ZNF536: variants seen among roughly 807,000 people sequenced by gnomAD.
ZNF536 encodes the protein zinc finger protein 536.
In ZNF536, 13 loss-of-function variants were observed where a neutral mutation model predicts 84.5. The observed-to-expected ratio is 0.15, with a 90% CI of 0.10 to 0.24. The LOEUF is 0.24. Ranked by LOEUF, ZNF536 falls within the 10% of genes least tolerant of loss-of-function variation. The pLI is 1.00. For missense variants in ZNF536, 1,536 were observed against 1,747.5 expected (o/e 0.88, Z 2.16); for synonymous variants, 811 against 742.5 (o/e 1.09, Z -1.50).
chr19:30,427,256 A>G (rs115286478), intron 1 of ZNF536, among the ~76,000 whole-genome samples: 1 of 152,224 alleles, frequency 6.6e-6, no homozygotes, highest in Non-Finnish European at 1.5e-5. Context: ...GTGCAAGGAC[A>G]GAAGGTGTGG....
At chr19:30,552,906 G>A (rs1358671282) in intron 4 of ZNF536, among the ~76,000 whole-genome samples, 2 of 152,182 alleles carry the variant, frequency 1.3e-5, no homozygotes, top group African/African-American at 4.8e-5. Flanking sequence ...AAGAGGTTAA[G>A]CCATCTTGGA....
At position 30,430,570 on chromosome 19, in the gene ZNF536, G is replaced by T. The variant is rs887398079; in HGVS notation, c.-2-12991G>T. Among the ~76,000 whole-genome samples the T allele has an allele frequency of 5.9e-5, 9 of 152,286 alleles. No individual in the cohort carries two copies. The South Asian group carries it at 1.9e-3, about 32-fold the overall frequency. On this transcript the variant is annotated intron_variant, in intron 1 of 4. Transcript: ENST00000355537. ...TCAGGGAGGGCTTCCTGGAAGAAGT[G>T]GTATTTAATTTCTCCCAAGATTACT...
At chr19:30,481,677 C>T (rs73536715) in intron 2 of ZNF536, among the ~76,000 whole-genome samples, 32,847 of 151,956 alleles carry the variant, frequency 0.22, 3,957 homozygotes, top group African/African-American at 0.32. Context: ...GATTTATTTT[C>T]ATTTTTTATT....
At chr19:30,541,387 G>GAGTA (rs1352800324) in intron 3 of ZNF536, among the ~76,000 whole-genome samples, 1 of 146,084 alleles carries the variant, frequency 6.8e-6, no homozygotes, top group African/African-American at 2.6e-5. Context: ...CCAACCACCT[G>GAGTA]AGTAATGATG....
In ZNF536 at chr19:30,445,983, C is replaced by T. The variant is rs552779921; in HGVS notation, c.2170+251C>T. 1.3e-5 allele frequency among the ~76,000 whole-genome samples: 2 copies of T among 152,200 alleles called. No homozygotes were observed. The highest frequency in any genetic ancestry group is 4.8e-5 in the African/African-American group (2 of 41,542). ...TAAGTTGAGGCCGGGTGTGGTGGCTCACGCCTGTAATCCCAGCACTTTGGG... is the reference window on the plus strand; with the variant it reads ...TAAGTTGAGGCCGGGTGTGGTGGCTTACGCCTGTAATCCCAGCACTTTGGG... On this transcript the variant is annotated intron_variant, in intron 2 of 4. Transcript: ENST00000355537. This position sits in a 1 kb window ranked among gnomAD's most constrained non-coding sequence, Gnocchi z 4.5.
chr19:30,421,398 C>G (rs1291108382), intron 1 of ZNF536, among the ~76,000 whole-genome samples: 1 of 151,878 alleles, frequency 6.6e-6, no homozygotes, highest in African/African-American at 2.4e-5. Flanking sequence ...TTTAAATTTT[C>G]TTTTTTAGAG....
intron 1 of ZNF536, among the ~76,000 whole-genome samples, chr19:30,432,007 A>G (rs1353826663): frequency 8.8e-6 from 1 of 113,774 alleles, no homozygotes; most frequent in Non-Finnish European, 1.7e-5. Context: ...ATATATATAT[A>G]CACACACACA....
intron 3 of ZNF536, among the ~76,000 whole-genome samples, chr19:30,546,076 A>G (rs1599757418): frequency 6.6e-6 from 1 of 152,056 alleles, no homozygotes; most frequent in Admixed American, 6.5e-5. Context: ...AGTTTCGGGG[A>G]CTGCCTCTGT....
At chr19:30,703,725 G>A (rs2052096754) in intron 1 of ZNF536, among the ~76,000 whole-genome samples, 1 of 152,178 alleles carries the variant, frequency 6.6e-6, no homozygotes, top group African/African-American at 2.4e-5. Flanking sequence ...ATCAACAGCA[G>A]GATGACAGCA....
chr19:30,286,422 G>A (rs1274332055), intron 2 of ZNF536, among the ~76,000 whole-genome samples: 16 of 152,070 alleles, frequency 1.1e-4, no homozygotes, highest in Non-Finnish European at 1.5e-5. Context: ...TTGGAAGGCA[G>A]CTTGAGTATT....
intron 1 of ZNF536, among the ~76,000 whole-genome samples, chr19:30,682,670 T>C (rs929709362): frequency 6.6e-6 from 1 of 152,190 alleles, no homozygotes; most frequent in Admixed American, 6.5e-5. Flanking sequence ...GTGTCGTTGC[T>C]TTCCTGCCCT....
rs1396196651 is a variant in ZNF536, at chr19:30,444,653, T to G, written c.1091T>G (p.Met364Arg). 2.5e-6 allele frequency: 4 copies of G among 1,613,830 alleles called. No homozygotes were observed. Among genetic ancestry groups the G allele is most frequent in the Non-Finnish European group, 3.4e-6 (4 of 1,180,048 alleles). The stretch of plus-strand genomic sequence containing the variant: ...CAGGCGTGGTTCCTCAAGGGTCACA[T>G]GCGCAAGCACAAAGACTCCTTTGAG... ...FSQAWFLKGH[M>R]RKHKDSFEHC... The change falls in exon 2 of 5, where the codon ATG becomes AGG. Residue 364 changes from methionine to arginine, a missense_variant. Around this residue, in one of 8 missense-constraint regions of ZNF536, gnomAD observed 25 missense variants for 78.9 expected, o/e 0.32. Coordinates refer to ENST00000355537, the MANE Select transcript of ZNF536 (RefSeq NM_014717.3).
intron 1 of ZNF536, among the ~76,000 whole-genome samples, chr19:30,402,919 C>T (rs1007107087): frequency 1.9e-4 from 28 of 151,342 alleles, no homozygotes; most frequent in African/African-American, 5.1e-4. Flanking sequence ...TTTGCAGAGA[C>T]AAAGGCTTTA....
chr19:30,631,326 G>T (rs1339382767), intron 1 of ZNF536, among the ~76,000 whole-genome samples: 3 of 152,184 alleles, frequency 2.0e-5, no homozygotes, highest in Admixed American at 2.0e-4. Flanking sequence ...ACAGTTTGGG[G>T]ATGGAAATCC....
chr19:30,439,161 G>A (rs2051891654), intron 1 of ZNF536, among the ~76,000 whole-genome samples: 1 of 151,838 alleles, frequency 6.6e-6, no homozygotes, highest in South Asian at 2.1e-4. Flanking sequence ...CATAATTATT[G>A]CACACACACG....
At chr19:30,670,808 G>A (rs1433916352) in intron 1 of ZNF536, among the ~76,000 whole-genome samples, 1 of 152,200 alleles carries the variant, frequency 6.6e-6, no homozygotes, top group Non-Finnish European at 1.5e-5. Context: ...TTCAGCCCGG[G>A]AGCCTGGCTC....
intron 1 of ZNF536, among the ~76,000 whole-genome samples, chr19:30,571,576 C>T (rs973293919): frequency 2.7e-4 from 41 of 152,164 alleles, no homozygotes; most frequent in Admixed American, 2.0e-3. Flanking sequence ...AGGGATAGAA[C>T]GACTCTTTGC....
chr19:30,244,280 A>G (rs994852162), intron 1 of ZNF536, among the ~76,000 whole-genome samples: 5 of 151,940 alleles, frequency 3.3e-5, no homozygotes, highest in African/African-American at 1.2e-4. Context: ...TTCTTCATAG[A>G]GTCTTTAAGA....
chr19:30,445,255 G>C lies in ZNF536; in HGVS notation c.1693G>C (p.Glu565Gln), dbSNP rs773616431. 1.2e-6 allele frequency: 2 copies of C among 1,614,202 alleles called. No homozygotes were observed. The highest frequency in any genetic ancestry group is 2.2e-5 in the South Asian group (2 of 91,088). The change falls in exon 2 of 5, where the codon GAG (glutamate) becomes CAG (glutamine). Residue 565 changes from glutamate to glutamine, a missense_variant. This residue lies in a region of ZNF536 where 366 missense variants were observed against 364.4 expected (regional missense o/e 1.00). Coordinates refer to ENST00000355537, the MANE Select transcript of ZNF536 (RefSeq NM_014717.3). This position sits in a 1 kb window ranked among gnomAD's most constrained non-coding sequence, Gnocchi z 4.5. ...AGVLFDKEKR[E>Q]YVLVGADGSK... ...GGTTCTGTTTGATAAGGAGAAGCGG[G>C]AGTACGTGTTAGTGGGAGCAGATGG...
Sources: allele counts gnomAD v4.1 joint callset (sites outside exome capture counted in the v4.1 genomes callset), GRCh38; gene constraint gnomAD v4.1.1; regional missense constraint gnomAD v4.1.1; non-coding constraint Gnocchi (gnomAD v3.1); transcripts MANE v1.5; gene names NCBI Gene and HGNC (gene_info 2026-07-23, HGNC 2026-07-21).